The following SRGAP3 variants were observed in gnomAD, a reference collection of about 807,000 sequenced individuals.
The protein encoded by SRGAP3 is SLIT-ROBO Rho GTPase activating protein 3, also known as SLIT-ROBO Rho GTPase-activating protein 3.
A neutral mutation model predicts 121.1 loss-of-function variants in SRGAP3; 39 were observed. That is an observed-to-expected ratio of 0.32 (90% confidence interval 0.25 to 0.42). SRGAP3 has a LOEUF of 0.42. Ranked by LOEUF, SRGAP3 falls within the 10% of genes least tolerant of loss-of-function variation. The probability of loss-of-function intolerance (pLI) is 1.00; values close to 1 mark genes in which losing one functional copy is unlikely to be tolerated. For synonymous variants in SRGAP3, 601 were observed against 570.0 expected (o/e 1.05, Z -0.77); for missense variants, 1,213 against 1,470.6 (o/e 0.82, Z 2.86).
chr3:9,328,997 T>C (rs1354930569), intron 2 of SRGAP3, among the ~76,000 whole-genome samples: 1 of 61,452 alleles, frequency 1.6e-5, no homozygotes, highest in Non-Finnish European at 2.8e-5. Flanking sequence ...GGAGACCCCA[T>C]CCAGTTTTTT....
chr3:9,229,716 A>T (rs533076931), intron 1 of SRGAP3, among the ~76,000 whole-genome samples: 1 of 152,312 alleles, frequency 6.6e-6, no homozygotes, highest in African/African-American at 2.4e-5. Context: ...CTATCTATTT[A>T]TAGGATAAAT....
At position 9,183,767 on chromosome 3, in the gene SRGAP3, AACACACACACACAC is replaced by A. The variant is rs62971361; in HGVS notation, c.68-58864_68-58851del. On this transcript the variant is annotated intron_variant, in intron 1 of 21. Coordinates refer to ENST00000383836, the MANE Select transcript of SRGAP3 (RefSeq NM_014850.4). ...TATAGTACTAAAACACAAATTTGCT[AACACACACACACAC>A]ACACACACACACACACACTGTAATG... Among the ~76,000 whole-genome samples the A allele has an allele frequency of 1.7e-4, 25 of 148,262 alleles. No homozygotes were observed. The South Asian group carries it at 4.6e-3, about 27-fold the overall frequency.
In SRGAP3 at chr3:9,112,422, G is replaced by C. The variant is rs1230040106; in HGVS notation, c.261-7580C>G. 2.0e-5 allele frequency among the ~76,000 whole-genome samples: 3 copies of C among 152,244 alleles called. No individual in the cohort carries two copies. The East Asian group carries it at 5.8e-4, about 29-fold the overall frequency. On this transcript the variant is annotated intron_variant, in intron 2 of 21. Transcript: ENST00000383836. ...GCATGAATCATTAATTCAGCCAATA[G>C]TAAGTGTGTGCCTGTTCTGTGCCAG...
At chr3:9,177,811 C>T (rs1423010666) in intron 1 of SRGAP3, among the ~76,000 whole-genome samples, 1 of 152,144 alleles carries the variant, frequency 6.6e-6, no homozygotes, top group Non-Finnish European at 1.5e-5. Flanking sequence ...TAGGGAAGAC[C>T]ATGTGACCCT....
chr3:9,127,216 G>T (rs1157236244), intron 1 of SRGAP3, among the ~76,000 whole-genome samples: 6 of 152,136 alleles, frequency 3.9e-5, no homozygotes, highest in African/African-American at 1.4e-4. Flanking sequence ...ATGGGCTTGT[G>T]TTCCCAGCTA....
At chr3:9,221,353 C>T (rs191669430) in intron 1 of SRGAP3, among the ~76,000 whole-genome samples, 37 of 152,144 alleles carry the variant, frequency 2.4e-4, no homozygotes, top group South Asian at 2.1e-4. Flanking sequence ...CAGCAGAGCA[C>T]GACCCTGTTT....
At chr3:9,312,761 G>A (rs1320029689) in intron 3 of SRGAP3, among the ~76,000 whole-genome samples, 1 of 152,156 alleles carries the variant, frequency 6.6e-6, no homozygotes, top group Non-Finnish European at 1.5e-5. Context: ...GAGTTGGGGG[G>A]AATGCTGGAG....
intron 1 of SRGAP3, among the ~76,000 whole-genome samples, chr3:9,177,597 A>G (rs990906256): frequency 1.3e-5 from 2 of 152,154 alleles, no homozygotes; most frequent in Non-Finnish European, 2.9e-5. Context: ...GAGGAGCTCC[A>G]CTGTCAGGGG....
chr3:9,120,243 C>T lies in SRGAP3; in HGVS notation c.260+4482G>A, dbSNP rs934552267. On this transcript the variant is annotated intron_variant, in intron 2 of 21. Transcript: ENST00000383836. ...ATAAGCAAATAAGTACATCAGAGTA[C>T]GACGGGCACACAGAGGGAGGCACCA... Among the ~76,000 whole-genome samples the T allele has an allele frequency of 2.5e-4, 38 of 152,244 alleles. No homozygotes were observed. The East Asian group carries it at 5.0e-3, about 20-fold the overall frequency.
intron 1 of SRGAP3, chr3:9,348,648 G>C: frequency 9.3e-7 from 1 of 1,077,400 alleles, no homozygotes. Context: ...CCTCTGGACA[G>C]TGCTAGATGC....
chr3:8,993,167 T>A, intron 19 of SRGAP3, 112 bp from the exon 20 acceptor site: 1 of 1,545,660 alleles, frequency 6.5e-7, no homozygotes, highest in Non-Finnish European at 8.8e-7. Context: ...TATGGTTACT[T>A]TGTGCCCACA....
At chr3:9,301,769 G>T (rs989589297) in intron 3 of SRGAP3, among the ~76,000 whole-genome samples, 1 of 152,208 alleles carries the variant, frequency 6.6e-6, no homozygotes, top group East Asian at 1.9e-4. Context: ...CGTGACCTGG[G>T]ATAAATGACT....
At chr3:9,270,979 T>C (rs1158851594) in intron 3 of SRGAP3, among the ~76,000 whole-genome samples, 1 of 152,202 alleles carries the variant, frequency 6.6e-6, no homozygotes, top group African/African-American at 2.4e-5. Context: ...GATTTTTGTT[T>C]TGTTTTTCTT....
intron 20 of SRGAP3, 88 bp downstream of exon 20, chr3:8,992,817 CT>C (rs2124938366): frequency 6.2e-7 from 1 of 1,608,266 alleles, no homozygotes; most frequent in South Asian, 1.1e-5. Flanking sequence ...CAGTAGGCTC[CT>C]TCTCTCCTCT....
intron 21 of SRGAP3, among the ~76,000 whole-genome samples, chr3:8,988,508 CAG>C (rs1941855811): frequency 6.6e-6 from 1 of 152,068 alleles, no homozygotes; most frequent in East Asian, 1.9e-4. Context: ...TCAAACTAGA[CAG>C]GGTGCAGATC....
At chr3:9,167,261 T>C (rs1174098983) in intron 1 of SRGAP3, among the ~76,000 whole-genome samples, 1 of 152,138 alleles carries the variant, frequency 6.6e-6, no homozygotes, top group Non-Finnish European at 1.5e-5. Flanking sequence ...GACTGCTCAC[T>C]CTCCCCACAA....
intron 1 of SRGAP3, among the ~76,000 whole-genome samples, chr3:9,247,558 C>T (rs1239531174): frequency 6.6e-6 from 1 of 152,162 alleles, no homozygotes; most frequent in Non-Finnish European, 1.5e-5. Context: ...CTGCGGTGCC[C>T]AGCCTTCCCG....
intron 1 of SRGAP3, among the ~76,000 whole-genome samples, chr3:9,209,741 A>G (rs1485084865): frequency 6.6e-6 from 1 of 152,272 alleles, no homozygotes; most frequent in Non-Finnish European, 1.5e-5. Flanking sequence ...ATTGCCACCA[A>G]TGGAGTTTGG....
chr3:9,193,247 C>G (rs1391147479), intron 1 of SRGAP3: 1 of 152,210 alleles, frequency 6.6e-6, no homozygotes, highest in Non-Finnish European at 1.5e-5. Flanking sequence ...CCAAGCCCAG[C>G]CTGGTACTTT....
Sources: gnomAD v4.1 joint callset for allele counts (sites outside exome capture counted in the v4.1 genomes callset) on GRCh38, gnomAD v4.1.1 for gene constraint, MANE v1.5 for transcripts, NCBI Gene and HGNC (gene_info 2026-07-23, HGNC 2026-07-21) for gene names.